The following OTULIN variants were observed in gnomAD, a reference collection of about 807,000 sequenced individuals.
The protein encoded by OTULIN is ubiquitin thioesterase otulin.
In OTULIN, 15 loss-of-function variants were observed where a neutral mutation model predicts 39.6. The observed-to-expected ratio is 0.38, with a 90% CI of 0.25 to 0.58. The LOEUF is 0.58. Ranked by LOEUF, OTULIN falls within the 20% of genes least tolerant of loss-of-function variation. The pLI is 0.66. For missense variants in OTULIN, 319 were observed against 445.9 expected, an observed-to-expected ratio of 0.72 and a Z score of 2.56; for synonymous variants, 156 against 170.3, an observed-to-expected ratio of 0.92 and a Z score of 0.65.
intron 3 of OTULIN, among the ~76,000 whole-genome samples, chr5:14,679,281 TA>T (rs1463771532): frequency 6.6e-6 from 1 of 152,210 alleles, no homozygotes; most frequent in Non-Finnish European, 1.5e-5. Flanking sequence ...TGGAGATTCA[TA>T]TGATGTGGTC....
chr5:14,665,304 ATCTTTCCT>A (rs1735805602), intron 1 of OTULIN, among the ~76,000 whole-genome samples: 1 of 152,158 alleles, frequency 6.6e-6, no homozygotes, highest in South Asian at 2.1e-4. Context: ...TTCCCGCTAG[ATCTTTCCT>A]TCAGCCTGGC....
chr5:14,714,366 T>G, the OTULIN span, among the ~76,000 whole-genome samples: 2 of 152,182 alleles, frequency 1.3e-5, no homozygotes, highest in Non-Finnish European at 1.5e-5. Flanking sequence ...GGCTTGCCCT[T>G]GTCAGTAGGA....
rs1337236668 is a variant in OTULIN at position 14,690,429 on chromosome 5, A to G, written c.864+121A>G. The G allele has an allele frequency of 8.2e-7, 1 of 1,220,194 alleles. No individual in the cohort carries two copies. Among genetic ancestry groups the G allele is most frequent in the East Asian group, 2.5e-5 (1 of 39,712 alleles). The allele number at this position is 1,220,194 out of a possible 1,614,324, so 75.6% of individuals were successfully genotyped here. ...CAGCTTAGTTGGATGGTTCTGGCTC[A>G]GGATGTCATGAGGCTGCAGTTGTAT... On this transcript the variant is annotated intron_variant, in intron 6 of 6. Coordinates refer to ENST00000284274, the MANE Select transcript of OTULIN (RefSeq NM_138348.6). This position sits in a 1 kb window ranked among gnomAD's most constrained non-coding sequence, Gnocchi z 4.5.
At chr5:14,691,784 C>T (rs149493) in intron 6 of OTULIN, among the ~76,000 whole-genome samples, 107,326 of 152,082 alleles carry the variant, frequency 0.71, 39,480 homozygotes, top group Middle Eastern at 0.85. Context: ...CACTAATCTA[C>T]TTTCTGTCTC....
At chr5:14,703,303 T>C (rs1167514988), downstream of OTULIN, among the ~76,000 whole-genome samples, 2 of 139,092 alleles carry the variant, frequency 1.4e-5, no homozygotes, top group African/African-American at 2.8e-5. Flanking sequence ...CCCTGCACCT[T>C]AGCATTACCT....
intron 1 of OTULIN, among the ~76,000 whole-genome samples, chr5:14,666,176 C>T (rs904569792): frequency 6.6e-6 from 1 of 152,270 alleles, no homozygotes; most frequent in Middle Eastern, 3.4e-3. Flanking sequence ...GCACCTCGGC[C>T]CCAGCTGTGT....
chr5:14,706,685 G>A, the OTULIN span: 2 of 152,118 alleles, frequency 1.3e-5, no homozygotes, highest in African/African-American at 2.4e-5. Context: ...GCCCTTTTAC[G>A]TTTCTCATCA....
downstream of OTULIN, among the ~76,000 whole-genome samples, chr5:14,703,605 A>G (rs1052540354): frequency 6.6e-6 from 1 of 152,128 alleles, no homozygotes; most frequent in Non-Finnish European, 1.5e-5. Context: ...GGGGACGTAG[A>G]TTTGCCCCTT....
the OTULIN span, chr5:14,709,549 TATG>T: frequency 2.6e-5 from 4 of 152,200 alleles, no homozygotes; most frequent in African/African-American, 9.6e-5. Context: ...TGAGGAACAA[TATG>T]ATCACACAGC....
chr5:14,690,508 A>G lies in OTULIN; in HGVS notation c.864+200A>G, dbSNP rs965842860. Among the ~76,000 whole-genome samples, 2 of 152,144 alleles carry G rather than the reference A, an allele frequency of 1.3e-5. No homozygotes were observed. The highest frequency in any genetic ancestry group is 4.8e-5 in the African/African-American group (2 of 41,434). The stretch of plus-strand genomic sequence containing the variant: ...GACTGGGGCTGGAAGATCTACTTCC[A>G]GTGTTGTTCACTCATGTGGCTGTGG... On this transcript the variant is annotated intron_variant, in intron 6 of 6. Transcript: ENST00000284274. This position sits in a 1 kb window ranked among gnomAD's most constrained non-coding sequence, Gnocchi z 4.5.
intron 4 of OTULIN, 90 bp downstream of exon 4, chr5:14,681,697 T>C (rs931948491): frequency 7.0e-5 from 97 of 1,394,570 alleles, no homozygotes; most frequent in Non-Finnish European, 1.6e-5. Flanking sequence ...CCTTCTAGTA[T>C]CGTCTGCAGT....
chr5:14,665,961 C>T (rs1052000982), intron 1 of OTULIN, among the ~76,000 whole-genome samples: 24 of 152,144 alleles, frequency 1.6e-4, no homozygotes, highest in Admixed American at 1.5e-3. Flanking sequence ...GCGGGATTAC[C>T]TTTTAGCATG....
intron 6 of OTULIN, among the ~76,000 whole-genome samples, chr5:14,691,100 A>T (rs1171631224): frequency 6.6e-6 from 1 of 152,222 alleles, no homozygotes; most frequent in South Asian, 2.1e-4. Flanking sequence ...CTCTAAGCCA[A>T]TATAGTTGAG....
chr5:14,698,540 T>G lies in OTULIN; in HGVS notation c.*5492T>G, dbSNP rs1447337081. Reference sequence around the variant, plus strand: ...TGGGGGCTTTGCTGTTGATCCACTTTAGCAAACCCTGCTGCAGAGGACTGT... The same window carrying G: ...TGGGGGCTTTGCTGTTGATCCACTTGAGCAAACCCTGCTGCAGAGGACTGT... On this transcript the variant is annotated 3_prime_UTR_variant, in exon 7 of 7. Coordinates refer to ENST00000284274, the MANE Select transcript of OTULIN (RefSeq NM_138348.6). 6.6e-6 allele frequency: 1 copy of G among 152,216 alleles called. No homozygotes were observed. The highest frequency in any genetic ancestry group is 1.5e-5 in the Non-Finnish European group (1 of 68,044). 9.4% of individuals were successfully genotyped at this position (152,216 alleles called of 1,614,324 possible).
intron 4 of OTULIN, among the ~76,000 whole-genome samples, chr5:14,684,792 C>T (rs1360742290): frequency 6.6e-6 from 1 of 152,220 alleles, no homozygotes; most frequent in Non-Finnish European, 1.5e-5. Context: ...GAGTGACCCT[C>T]CCCTTAATCT....
chr5:14,699,944 C>T (rs1736764420), downstream of OTULIN, among the ~76,000 whole-genome samples: 1 of 152,158 alleles, frequency 6.6e-6, no homozygotes, highest in African/African-American at 2.4e-5. Flanking sequence ...AAGTTGTCCT[C>T]TAAGTGGTGC....
At chr5:14,673,008 A>G (rs1415276676) in intron 1 of OTULIN, among the ~76,000 whole-genome samples, 1 of 152,146 alleles carries the variant, frequency 6.6e-6, no homozygotes, top group Non-Finnish European at 1.5e-5. Flanking sequence ...CTAGTTAACT[A>G]AAGTACTAGA....
chr5:14,711,149 G>A, the OTULIN span: 2 of 1,450,128 alleles, frequency 1.4e-6, no homozygotes, highest in Non-Finnish European at 1.9e-6. Flanking sequence ...TGATGCCGAA[G>A]TGTCATCCTG....
chr5:14,687,455 T>G, intron 4 of OTULIN, 66 bp from the exon 5 acceptor site: 1 of 1,549,654 alleles, frequency 6.5e-7, no homozygotes, highest in Non-Finnish European at 8.7e-7. Context: ...TCTTACAGCT[T>G]GGATTGTGTG....
Sources: gnomAD v4.1 joint callset for allele counts (sites outside exome capture counted in the v4.1 genomes callset) on GRCh38, gnomAD v4.1.1 for gene constraint, Gnocchi (gnomAD v3.1) non-coding constraint, MANE v1.5 for transcripts, NCBI Gene and HGNC (gene_info 2026-07-23, HGNC 2026-07-21) for gene names.